PRKG1: variants seen among roughly 807,000 people sequenced by gnomAD.
The protein encoded by PRKG1 is cGMP-dependent protein kinase 1.
In PRKG1, 35 loss-of-function variants were observed where a neutral mutation model predicts 88.1. The observed-to-expected ratio is 0.40, with a 90% CI of 0.30 to 0.53. The LOEUF is 0.53. Ranked by LOEUF, PRKG1 falls within the 20% of genes least tolerant of loss-of-function variation. The pLI is 0.59. For synonymous variants in PRKG1, 303 were observed against 292.5 expected (o/e 1.04, Z -0.37); for missense variants, 540 against 839.8 (o/e 0.64, Z 4.41).
intron 5 of PRKG1, among the ~76,000 whole-genome samples, chr10:51,949,447 T>TATAA (rs1272997417): frequency 4.6e-4 from 70 of 151,018 alleles, no homozygotes; most frequent in African/African-American, 1.3e-3. Context: ...ACCTCATGTC[T>TATAA]ATAAATAAAT....
chr10:52,258,658 C>T (rs1841362721), intron 10 of PRKG1, among the ~76,000 whole-genome samples: 1 of 151,968 alleles, frequency 6.6e-6, no homozygotes, highest in South Asian at 2.1e-4. Flanking sequence ...TTTAAAACAT[C>T]CAAAATATTT....
intron 3 of PRKG1, among the ~76,000 whole-genome samples, chr10:51,780,407 ACT>A (rs550029407): frequency 7.0e-4 from 106 of 152,204 alleles, no homozygotes; most frequent in African/African-American, 2.4e-3. Context: ...ATTTTGGAAG[ACT>A]CTGGGTAAAT....
intron 1 of PRKG1, among the ~76,000 whole-genome samples, chr10:51,140,977 G>T (rs2131954864): frequency 6.6e-6 from 1 of 152,294 alleles, no homozygotes; most frequent in African/African-American, 2.4e-5. Context: ...GCCTCAGGTT[G>T]AAGAGCCTAT....
intron 9 of PRKG1, among the ~76,000 whole-genome samples, chr10:52,207,369 A>C (rs980884141): frequency 6.6e-6 from 1 of 152,102 alleles, no homozygotes; most frequent in Non-Finnish European, 1.5e-5. Flanking sequence ...TGGGCATCCA[A>C]GGCTACATTA....
intron 2 of PRKG1, among the ~76,000 whole-genome samples, chr10:51,314,942 T>C (rs1009624578): frequency 6.6e-6 from 1 of 152,242 alleles, no homozygotes; most frequent in African/African-American, 2.4e-5. Flanking sequence ...TTTCTACTCA[T>C]GCCATTTTTC....
Position 51,722,548 on chromosome 10 carries a change from C to A in PRKG1, c.593-82037C>A, listed in dbSNP as rs10999086. Among the ~76,000 whole-genome samples the A allele has an allele frequency of 8.2e-4, 124 of 151,976 alleles. 6 individuals carry two copies. Among genetic ancestry groups the A allele is most frequent in the Middle Eastern group, 6.8e-3 (2 of 294 alleles). On this transcript the variant is annotated intron_variant, in intron 3 of 17. Coordinates refer to ENST00000373980, the MANE Select transcript of PRKG1 (RefSeq NM_006258.4). ...AAAATTTATTCATCTTTTGCAATAA[C>A]CTTATGATCTAAACAGAGCTGTGCC...
At chr10:52,241,154 C>CTCCT (rs1408209340) in intron 9 of PRKG1, among the ~76,000 whole-genome samples, 3 of 152,114 alleles carry the variant, frequency 2.0e-5, no homozygotes, top group Non-Finnish European at 4.4e-5. Context: ...AAATCAGGGT[C>CTCCT]TCCTGCCTGC....
At chr10:51,094,165 C>T (rs544661878) in intron 1 of PRKG1, among the ~76,000 whole-genome samples, 47 of 151,750 alleles carry the variant, frequency 3.1e-4, no homozygotes, top group Non-Finnish European at 4.6e-4. Context: ...AAGAGACTAG[C>T]ATAGTATCTA....
At chr10:51,466,870 G>C (rs1001668745) in intron 2 of PRKG1, among the ~76,000 whole-genome samples, 1 of 152,056 alleles carries the variant, frequency 6.6e-6, no homozygotes, top group Non-Finnish European at 1.5e-5. Flanking sequence ...TCTGTAGACT[G>C]TGGATAAATA....
At chr10:51,746,476 C>T (rs1014304923) in intron 3 of PRKG1, among the ~76,000 whole-genome samples, 1 of 151,998 alleles carries the variant, frequency 6.6e-6, no homozygotes, top group African/African-American at 2.4e-5. Flanking sequence ...AACCTTAGCA[C>T]TTTGGGAGGC....
chr10:51,564,376 G>A (rs1329793170), intron 3 of PRKG1, among the ~76,000 whole-genome samples: 2 of 152,024 alleles, frequency 1.3e-5, no homozygotes, highest in African/African-American at 4.8e-5. Context: ...TAGAGTTTGG[G>A]GGCAGTGGTT....
chr10:51,055,874 C>T (rs1843621058), intron 1 of PRKG1, among the ~76,000 whole-genome samples: 7 of 152,212 alleles, frequency 4.6e-5, no homozygotes, highest in Admixed American at 4.6e-4. Context: ...CACCATTATT[C>T]TAAGCCCCTG....
At chr10:51,810,248 A>T (rs536111944) in intron 4 of PRKG1, among the ~76,000 whole-genome samples, 13 of 152,306 alleles carry the variant, frequency 8.5e-5, no homozygotes, top group African/African-American at 1.7e-4. Context: ...TTCCCACCTG[A>T]CTTTCCAACT....
At chr10:52,092,156 T>A (rs1847072576) in intron 7 of PRKG1, among the ~76,000 whole-genome samples, 1 of 152,194 alleles carries the variant, frequency 6.6e-6, no homozygotes, top group African/African-American at 2.4e-5. Context: ...AGACTTTTAT[T>A]ATGCCTTAAT....
At chr10:51,191,225 T>C (rs373520085) in intron 2 of PRKG1, among the ~76,000 whole-genome samples, 5 of 151,996 alleles carry the variant, frequency 3.3e-5, no homozygotes, top group African/African-American at 1.2e-4. Context: ...TGTGGTTTCC[T>C]GAGAACCAGA....
chr10:51,809,242 T>G (rs1839388139), intron 4 of PRKG1, among the ~76,000 whole-genome samples: 1 of 152,102 alleles, frequency 6.6e-6, no homozygotes, highest in Admixed American at 6.5e-5. Flanking sequence ...TGTGCCTGTA[T>G]TTCAGATTCC....
intron 9 of PRKG1, among the ~76,000 whole-genome samples, chr10:52,242,912 AAGGAGAAAG>A (rs1380770340): frequency 8.8e-6 from 1 of 113,886 alleles, no homozygotes; most frequent in East Asian, 2.4e-4. Context: ...AAAGAAGGAG[AAGGAGAAAG>A]AGAAGAAGAA....
intron 2 of PRKG1, among the ~76,000 whole-genome samples, chr10:51,308,106 T>C (rs1262867837): frequency 1.3e-5 from 2 of 152,210 alleles, no homozygotes. Context: ...TGCTAACTTA[T>C]CCCATGGAGC....
intron 3 of PRKG1, among the ~76,000 whole-genome samples, chr10:51,579,544 A>T (rs1188594567): frequency 6.6e-6 from 1 of 152,122 alleles, no homozygotes; most frequent in African/African-American, 2.4e-5. Context: ...CTTTTAACAA[A>T]ATGTTATATC....
Sources: allele counts gnomAD v4.1 joint callset (sites outside exome capture counted in the v4.1 genomes callset), GRCh38; gene constraint gnomAD v4.1.1; transcripts MANE v1.5; gene names NCBI Gene and HGNC (gene_info 2026-07-23, HGNC 2026-07-21).